MTA3: variants seen among roughly 807,000 people sequenced by gnomAD.
The protein encoded by MTA3 is metastasis associated 1 family member 3.
A neutral mutation model predicts 83.5 loss-of-function variants in MTA3; 34 were observed. That is an observed-to-expected ratio of 0.41 (90% CI 0.31 to 0.54). MTA3 has a LOEUF of 0.54. Ranked by LOEUF, MTA3 falls within the 20% of genes least tolerant of loss-of-function variation. The probability of loss-of-function intolerance (pLI) is 0.33; values close to 1 mark genes in which losing one functional copy is unlikely to be tolerated. For missense variants in MTA3, 761 were observed against 726.4 expected (o/e 1.05, Z -0.55); for synonymous variants, 303 against 252.7 (o/e 1.20, Z -1.89).
intron 10 of MTA3, among the ~76,000 whole-genome samples, chr2:42,697,183 C>A (rs149371606): frequency 6.6e-6 from 1 of 152,150 alleles, no homozygotes; most frequent in Non-Finnish European, 1.5e-5. Flanking sequence ...TATATAATCT[C>A]CTTCCCCTTC....
chr2:42,658,540 C>T (rs557825093), intron 7 of MTA3, among the ~76,000 whole-genome samples: 1 of 152,074 alleles, frequency 6.6e-6, no homozygotes, highest in Non-Finnish European at 1.5e-5. Context: ...TAATTTTAAT[C>T]AAAAGAAGCT....
intron 3 of MTA3, among the ~76,000 whole-genome samples, chr2:42,592,994 A>G (rs986187757): frequency 6.6e-6 from 1 of 150,856 alleles, no homozygotes; most frequent in African/African-American, 2.4e-5. Flanking sequence ...CTACTAAAAA[A>G]TAACAAAAGT....
intron 2 of MTA3, among the ~76,000 whole-genome samples, chr2:42,495,728 G>T (rs1396683347): frequency 6.6e-6 from 1 of 152,250 alleles, no homozygotes; most frequent in East Asian, 1.9e-4. Context: ...ATCCCTGGAG[G>T]TTTCCATAGC....
chr2:42,724,061 G>A (rs916473431), intron 16 of MTA3, among the ~76,000 whole-genome samples: 2 of 152,012 alleles, frequency 1.3e-5, no homozygotes, highest in Non-Finnish European at 2.9e-5. Flanking sequence ...TAATGAGAAC[G>A]TTGGCCATCC....
At chr2:42,624,830 A>G (rs1685919227) in intron 4 of MTA3, among the ~76,000 whole-genome samples, 1 of 152,144 alleles carries the variant, frequency 6.6e-6, no homozygotes, top group Admixed American at 6.6e-5. Context: ...GAAGATGTTT[A>G]CCCCATTGTC....
intron 2 of MTA3, among the ~76,000 whole-genome samples, chr2:42,504,805 C>T (rs540399703): frequency 2.0e-5 from 3 of 152,140 alleles, no homozygotes; most frequent in Non-Finnish European, 2.9e-5. Context: ...CCCCTTTTTG[C>T]TCTTATTCAA....
chr2:42,694,487 C>A (rs1693201860), intron 9 of MTA3, among the ~76,000 whole-genome samples: 1 of 152,160 alleles, frequency 6.6e-6, no homozygotes, highest in Non-Finnish European at 1.5e-5. Context: ...GATTCTCCCT[C>A]CCTACACAGG....
At chr2:42,693,192 A>G (rs1573643581) in intron 9 of MTA3, among the ~76,000 whole-genome samples, 1 of 151,742 alleles carries the variant, frequency 6.6e-6, no homozygotes, top group East Asian at 1.9e-4. Context: ...TCTTGTGGCT[A>G]CCACCACTGG....
intron 2 of MTA3, among the ~76,000 whole-genome samples, chr2:42,518,635 A>T (rs1413318804): frequency 2.0e-5 from 3 of 152,106 alleles, no homozygotes; most frequent in Non-Finnish European, 4.4e-5. Flanking sequence ...GTTGATCATA[A>T]CTCCATACTC....
chr2:42,576,733 A>T (rs971227488), intron 2 of MTA3, among the ~76,000 whole-genome samples: 11 of 151,478 alleles, frequency 7.3e-5, no homozygotes, highest in African/African-American at 2.7e-4. Context: ...CCCTGTCTCT[A>T]CTAAAAGTGC....
chr2:42,535,878 G>A (rs1161448553), intron 2 of MTA3, among the ~76,000 whole-genome samples: 1 of 151,976 alleles, frequency 6.6e-6, no homozygotes, highest in African/African-American at 2.4e-5. Context: ...TAGCACTTTG[G>A]GAGGTCAAGC....
intron 2 of MTA3, among the ~76,000 whole-genome samples, chr2:42,562,039 A>G (rs368382843): frequency 2.0e-5 from 3 of 152,252 alleles, no homozygotes; most frequent in African/African-American, 7.2e-5. Flanking sequence ...ATCCCATGCC[A>G]GTGGTTGCTG....
intron 2 of MTA3, chr2:42,532,944 G>A (rs1456132846): frequency 4.0e-6 from 1 of 249,772 alleles, no homozygotes; most frequent in Non-Finnish European, 7.8e-6. Flanking sequence ...TCTCAGCTCA[G>A]AGAGTGCTTA....
chr2:42,581,360 C>CTTTTTTTT (rs778419810), intron 3 of MTA3, among the ~76,000 whole-genome samples: 3 of 88,260 alleles, frequency 3.4e-5, no homozygotes, highest in Non-Finnish European at 4.6e-5. Context: ...TCCCAAATTG[C>CTTTTTTTT]TTTTTTTTTT....
upstream of MTA3, chr2:42,568,162 G>A (rs1342327519): frequency 1.3e-5 from 2 of 152,410 alleles, no homozygotes; most frequent in Non-Finnish European, 2.9e-5. Flanking sequence ...TTGCATCCAA[G>A]AGTTTGCATT....
At chr2:42,518,705 G>A (rs1295119832) in intron 2 of MTA3, among the ~76,000 whole-genome samples, 1 of 152,006 alleles carries the variant, frequency 6.6e-6, no homozygotes, top group African/African-American at 2.4e-5. Context: ...GGCCAGGTGT[G>A]GTGGCTTACT....
chr2:42,502,655 G>A (rs971470939), intron 2 of MTA3, among the ~76,000 whole-genome samples: 4 of 151,924 alleles, frequency 2.6e-5, no homozygotes, highest in South Asian at 2.1e-4. Flanking sequence ...AAAATTAGCC[G>A]GTGTAGTGGC....
At chr2:42,722,305 A>G (rs1472683746) in intron 15 of MTA3, among the ~76,000 whole-genome samples, 3 of 152,194 alleles carry the variant, frequency 2.0e-5, no homozygotes, top group South Asian at 2.1e-4. Flanking sequence ...GTTTTGTGAT[A>G]TATCCTTGGA....
intron 8 of MTA3, among the ~76,000 whole-genome samples, chr2:42,660,382 C>T (rs1055300461): frequency 5.9e-5 from 9 of 152,164 alleles, no homozygotes; most frequent in African/African-American, 9.6e-5. Context: ...CCACCACACC[C>T]GGCCAGAGGG....
Sources: gnomAD v4.1 joint callset for allele counts (sites outside exome capture counted in the v4.1 genomes callset) on GRCh38, gnomAD v4.1.1 for gene constraint, MANE v1.5 for transcripts, NCBI Gene and HGNC (gene_info 2026-07-23, HGNC 2026-07-21) for gene names.